The following TMEM59 variants were observed in gnomAD, a reference collection of about 807,000 sequenced individuals.
TMEM59 encodes transmembrane protein 59.
TMEM59 carries 44 observed loss-of-function variants against 42.2 expected under a neutral mutation model. That is an observed-to-expected ratio of 1.04 (90% CI 0.82 to 1.34). TMEM59 has a LOEUF of 1.34. TMEM59 is among the 40% of genes most tolerant of loss of function. The probability of loss-of-function intolerance (pLI) is 0.00; values close to 1 mark genes in which losing one functional copy is unlikely to be tolerated. For synonymous variants in TMEM59, 148 were observed against 145.8 expected (o/e 1.02, Z -0.11); for missense variants, 359 against 382.8 (o/e 0.94, Z 0.52).
intron 3 of TMEM59, 113 bp from the exon 4 acceptor site, chr1:54,043,638 A>G: frequency 1.6e-6 from 1 of 624,562 alleles, no homozygotes; most frequent in Non-Finnish European, 2.3e-6. Flanking sequence ...AAACAATTAA[A>G]TACATCTACC....
At chr1:54,043,096 A>T (rs1345981511) in intron 4 of TMEM59, among the ~76,000 whole-genome samples, 1 of 152,182 alleles carries the variant, frequency 6.6e-6, no homozygotes, top group Non-Finnish European at 1.5e-5. Flanking sequence ...CATATTTAAA[A>T]ATTTCATTTT....
At position 54,043,458 on chromosome 1, in the gene TMEM59, T is replaced by C; in HGVS notation, c.458A>G (p.Asp153Gly). 1 of 1,581,140 alleles carries C rather than the reference T, an allele frequency of 6.3e-7. No homozygotes were observed. The highest frequency in any genetic ancestry group is 8.6e-7 in the Non-Finnish European group (1 of 1,163,222). ...PLTLVRSFWS[D>G]MMDSAQSFIT... ...GAAGCTCTGTGCGGAGTCCATCATG[T>C]CACTCCAGAATGACCTCACCAGAGT... Residue 153 changes from aspartate (D) to glycine (G), a missense_variant, in exon 4 of 8, where the codon GAC becomes GGC. Physicochemically the swap from Asp to Gly is moderately conservative, Grantham distance 94. Transcript: ENST00000234831.
In TMEM59 at chr1:54,036,577, G is replaced by A. The variant is rs1435465252; in HGVS notation, c.816+33C>T. 4 of 1,436,980 alleles carry A rather than the reference G, an allele frequency of 2.8e-6. No individual in the cohort carries two copies. The South Asian group carries it at 3.9e-5, about 14-fold the overall frequency. The allele number at this position is 1,436,980 out of a possible 1,614,324, so 89.0% of individuals were successfully genotyped here. On this transcript the variant is annotated intron_variant, in intron 7 of 7. Coordinates refer to ENST00000234831, the MANE Select transcript of TMEM59 (RefSeq NM_004872.5). ...GGTGTTTAAAATGATATATCACAGG[G>A]CTCAGTCTTCAAATGGTAAGAATTA...
At chr1:54,034,438 G>A (rs1245200264) in intron 7 of TMEM59, 6 of 152,168 alleles carry the variant, frequency 3.9e-5, no homozygotes, top group Admixed American at 2.0e-4. Flanking sequence ...CTGCAAGGAG[G>A]TGCCCCAGTA....
chr1:54,053,273 C>G (rs928931310), upstream of TMEM59: 9 of 1,510,520 alleles, frequency 6.0e-6, no homozygotes, highest in African/African-American at 1.4e-5. Context: ...GCCCCCTTCT[C>G]CGCCCCACCG....
chr1:54,034,940 A>G (rs1177845852), intron 7 of TMEM59: 1 of 152,204 alleles, frequency 6.6e-6, no homozygotes, highest in Non-Finnish European at 1.5e-5. Flanking sequence ...AAGATCTTGA[A>G]GCAGCAACCA....
At chr1:54,034,723 G>C (rs1390215057) in intron 7 of TMEM59, 1 of 152,408 alleles carries the variant, frequency 6.6e-6, no homozygotes, top group Non-Finnish European at 1.5e-5. Flanking sequence ...GCAGTGAGCT[G>C]AGATCGTGCC....
chr1:54,044,998 T>C (rs1392865122), intron 3 of TMEM59: 1 of 152,220 alleles, frequency 6.6e-6, no homozygotes. Flanking sequence ...TCACTATATG[T>C]ATACTCTTTT....
chr1:54,036,584 C>A (rs928709752), intron 7 of TMEM59, 26 bp downstream of exon 7: 25 of 1,465,450 alleles, frequency 1.7e-5, no homozygotes, highest in Non-Finnish European at 2.1e-5. Flanking sequence ...AGGGCTCAGT[C>A]TTCAAATGGT....
rs3215928 is a variant in TMEM59, at chr1:54,036,593, G to GT, written c.816+16dup. On this transcript the variant is annotated intron_variant, in intron 7 of 7. Transcript: ENST00000234831. ...TATCACAGGGCTCAGTCTTCAAATG[G>GT]TAAGAATTAAATTTACCTCAGAGGG... 6 of 1,562,740 alleles carry GT rather than the reference G, an allele frequency of 3.8e-6. No homozygotes were observed. Among genetic ancestry groups the GT allele is most frequent in the African/African-American group, 2.8e-5 (2 of 72,494 alleles).
rs770182440 is a variant in TMEM59, at chr1:54,032,125, C to A, written c.*25G>T. The A allele has an allele frequency of 3.8e-6, 6 of 1,595,614 alleles. No individual in the cohort carries two copies. The highest frequency in any genetic ancestry group is 3.7e-4 in the Middle Eastern group (2 of 5,434). ...GGAGTGGAATTTTAGATGTCTATTA[C>A]ACTTGTCTTTTAAAAGAAAAATGCT... On this transcript the variant is annotated 3_prime_UTR_variant, in exon 8 of 8. Coordinates refer to ENST00000234831, the MANE Select transcript of TMEM59 (RefSeq NM_004872.5).
chr1:54,035,610 A>T (rs549146503), intron 7 of TMEM59, among the ~76,000 whole-genome samples: 6 of 147,870 alleles, frequency 4.1e-5, no homozygotes, highest in Non-Finnish European at 8.9e-5. Context: ...ACACTCCAGC[A>T]TTTTTTTTTC....
intron 4 of TMEM59, among the ~76,000 whole-genome samples, chr1:54,042,410 A>T (rs1657171088): frequency 6.6e-6 from 1 of 152,098 alleles, no homozygotes; most frequent in African/African-American, 2.4e-5. Flanking sequence ...TGAGGGCTTC[A>T]CTCTGAGAGT....
At chr1:54,037,304 T>G (rs578020426) in intron 6 of TMEM59, among the ~76,000 whole-genome samples, 1 of 152,244 alleles carries the variant, frequency 6.6e-6, no homozygotes, top group South Asian at 2.1e-4. Flanking sequence ...AGTAAAGAGA[T>G]AGTTATATTT....
intron 6 of TMEM59, among the ~76,000 whole-genome samples, chr1:54,038,757 C>G (rs1466876356): frequency 6.6e-6 from 1 of 152,150 alleles, no homozygotes; most frequent in Non-Finnish European, 1.5e-5. Context: ...GTCAATTCAC[C>G]TCTCTAAATC....
At chr1:54,039,527 T>G (rs1657067555) in intron 6 of TMEM59, among the ~76,000 whole-genome samples, 1 of 152,258 alleles carries the variant, frequency 6.6e-6, no homozygotes, top group Non-Finnish European at 1.5e-5. Flanking sequence ...CCTTGTTTTC[T>G]CACATAGTCT....
chr1:54,046,378 T>C (rs962834678), intron 2 of TMEM59, among the ~76,000 whole-genome samples: 1 of 152,246 alleles, frequency 6.6e-6, no homozygotes, highest in African/African-American at 2.4e-5. Context: ...GAAAATGTTC[T>C]ACAGCAGATA....
At chr1:54,049,708 G>A (rs1167861837) in intron 1 of TMEM59, among the ~76,000 whole-genome samples, 1 of 152,110 alleles carries the variant, frequency 6.6e-6, no homozygotes, top group African/African-American at 2.4e-5. Flanking sequence ...GCCAGGCACC[G>A]TGGCTCATGC....
intron 2 of TMEM59, among the ~76,000 whole-genome samples, chr1:54,047,004 C>T (rs987253433): frequency 6.6e-6 from 1 of 152,172 alleles, no homozygotes; most frequent in African/African-American, 2.4e-5. Context: ...AATTATACTG[C>T]ATTTGTCTGA....
Sources: allele counts gnomAD v4.1 joint callset (sites outside exome capture counted in the v4.1 genomes callset), GRCh38; gene constraint gnomAD v4.1.1; transcripts MANE v1.5; gene names NCBI Gene and HGNC (gene_info 2026-07-23, HGNC 2026-07-21).